Variants in TOX2 observed in about 807,000 individuals in gnomAD.
The protein encoded by TOX2 is granulosa cell HMG box 1.
In TOX2, 15 loss-of-function variants were observed where a neutral mutation model predicts 47.4. The observed-to-expected ratio is 0.32, with a 90% CI of 0.21 to 0.49. The LOEUF (loss-of-function observed/expected upper bound fraction) is 0.49, where lower values mean the gene tolerates loss of function less well. Ranked by LOEUF, TOX2 falls within the 20% of genes least tolerant of loss-of-function variation. The pLI is 0.99. For synonymous variants in TOX2, 290 were observed against 296.6 expected (o/e 0.98, Z 0.23); for missense variants, 622 against 673.1 (o/e 0.92, Z 0.84).
chr20:43,920,156 T>C (rs2069098201), intron 1 of TOX2, among the ~76,000 whole-genome samples: 2 of 152,242 alleles, frequency 1.3e-5, no homozygotes, highest in African/African-American at 4.8e-5. Flanking sequence ...AGGCAGGAAT[T>C]CTGCCCAGCA....
chr20:43,923,850 T>C (rs986615955), intron 1 of TOX2, among the ~76,000 whole-genome samples: 7 of 152,162 alleles, frequency 4.6e-5, no homozygotes, highest in Non-Finnish European at 7.4e-5. Flanking sequence ...GGAAACGTGC[T>C]TGGGCCGGGG....
intron 2 of TOX2, among the ~76,000 whole-genome samples, chr20:43,974,427 C>T (rs1056520663): frequency 6.6e-6 from 1 of 152,190 alleles, no homozygotes; most frequent in Non-Finnish European, 1.5e-5. Context: ...GGCATGGCAT[C>T]GTGGAGGATG....
chr20:44,059,185 A>T (rs1240652940), intron 5 of TOX2, among the ~76,000 whole-genome samples: 1 of 152,222 alleles, frequency 6.6e-6, no homozygotes, highest in Non-Finnish European at 1.5e-5. Flanking sequence ...AAACAATCAC[A>T]ACTTCTGGAA....
chr20:44,038,970 C>T (rs889075257), intron 3 of TOX2: 23 of 1,186,352 alleles, frequency 1.9e-5, no homozygotes, highest in Admixed American at 3.6e-5. Flanking sequence ...CTTCCTGGGG[C>T]GGGTGCAGAT....
chr20:43,960,180 C>T (rs1600684840), intron 1 of TOX2, among the ~76,000 whole-genome samples: 1 of 152,216 alleles, frequency 6.6e-6, no homozygotes, highest in Non-Finnish European at 1.5e-5. Flanking sequence ...ACATTGCATG[C>T]ATTCGTTCTA....
rs1210740656 is a variant in TOX2 at position 43,916,940 on chromosome 20, C to T, written c.99+1950C>T. Among the ~76,000 whole-genome samples the T allele has an allele frequency of 6.6e-6, 1 of 152,110 alleles. No homozygotes were observed. Among genetic ancestry groups the T allele is most frequent in the Non-Finnish European group, 1.5e-5 (1 of 68,020 alleles). ...CTCTGACTCAGCACCAGAACCTGTG[C>T]GAATCTCGCCGGGAAGGGCCCGTCA... On this transcript the variant is annotated intron_variant, in intron 1 of 8. Transcript: ENST00000341197. The surrounding 1 kb of genome is among the most constrained non-coding windows in gnomAD (Gnocchi z 5.0).
intron 1 of TOX2, chr20:43,945,923 C>T (rs1165049459): frequency 1.9e-6 from 3 of 1,613,164 alleles, no homozygotes; most frequent in Non-Finnish European, 2.5e-6. Context: ...ATGCAGCAGA[C>T]TCGCACAGAG....
At chr20:43,930,931 A>G (rs2069244332) in intron 1 of TOX2, among the ~76,000 whole-genome samples, 1 of 151,970 alleles carries the variant, frequency 6.6e-6, no homozygotes, top group African/African-American at 2.4e-5. Context: ...CCCCTTACCC[A>G]TCGCTTTCTT....
intron 1 of TOX2, among the ~76,000 whole-genome samples, chr20:43,924,140 T>C (rs2069140300): frequency 6.6e-6 from 1 of 152,054 alleles, no homozygotes; most frequent in African/African-American, 2.4e-5. Flanking sequence ...GGGATGAGCA[T>C]ATGGAAGAGG....
intron 2 of TOX2, among the ~76,000 whole-genome samples, chr20:43,990,657 A>T (rs2145545525): frequency 6.6e-6 from 1 of 152,258 alleles, no homozygotes; most frequent in African/African-American, 2.4e-5. Context: ...AGGTTGCAGG[A>T]CTTGGTCCAG....
chr20:43,963,262 C>T (rs977078734), intron 1 of TOX2, among the ~76,000 whole-genome samples: 14 of 152,204 alleles, frequency 9.2e-5, no homozygotes, highest in Non-Finnish European at 2.1e-4. Flanking sequence ...TTACACTACC[C>T]CTCGATGCCT....
In TOX2 at chr20:44,065,993, C is replaced by T. The variant is rs951078230; in HGVS notation, c.1242C>T (p.Gly414=). 6.8e-6 allele frequency: 11 copies of T among 1,612,870 alleles called. No individual in the cohort carries two copies. The highest frequency in any genetic ancestry group is 4.5e-5 in the East Asian group (2 of 44,880). The change falls in exon 7 of 9, where the codon GGC becomes GGT. Residue 414 remains glycine, a synonymous_variant. Transcript: ENST00000341197. ...QQLSLPPHAQ[G]ALLSPPVSMS... ...TGTCACTGCCCCCTCACGCCCAGGG[C>T]GCCCTCCTCAGTCCACCTGTTAGCA... is the stretch of plus-strand genomic sequence containing the variant.
At chr20:44,013,708 A>G (rs2070822313) in intron 3 of TOX2, among the ~76,000 whole-genome samples, 1 of 152,184 alleles carries the variant, frequency 6.6e-6, no homozygotes, top group Non-Finnish European at 1.5e-5. Flanking sequence ...GTGATTTCTG[A>G]GGTCCAGCTT....
chr20:43,950,186 G>A (rs1039172719), intron 1 of TOX2, among the ~76,000 whole-genome samples: 8 of 152,018 alleles, frequency 5.3e-5, no homozygotes, highest in Admixed American at 2.6e-4. Context: ...ATGCATAGAC[G>A]AGCCCACCAC....
intron 1 of TOX2, among the ~76,000 whole-genome samples, chr20:43,940,236 G>A (rs1027077666): frequency 6.6e-6 from 1 of 151,880 alleles, no homozygotes; most frequent in Non-Finnish European, 1.5e-5. Flanking sequence ...TTTTTGAAGA[G>A]TTGGTGTCCT....
At chr20:43,946,762 G>A (rs1374493488) in intron 1 of TOX2, among the ~76,000 whole-genome samples, 1 of 152,180 alleles carries the variant, frequency 6.6e-6, no homozygotes, top group Admixed American at 6.5e-5. Flanking sequence ...AACCTAACGT[G>A]AAGGGGCCAT....
intron 1 of TOX2, chr20:43,946,164 T>G: frequency 7.1e-7 from 1 of 1,410,378 alleles, no homozygotes; most frequent in South Asian, 1.3e-5. Flanking sequence ...CATTCTGGAA[T>G]GAAGATGCTT....
At chr20:43,979,762 A>G (rs530002324) in intron 2 of TOX2, among the ~76,000 whole-genome samples, 4 of 152,360 alleles carry the variant, frequency 2.6e-5, no homozygotes, top group African/African-American at 7.2e-5. Flanking sequence ...AATGGCAAAG[A>G]GGCATATGAA....
chr20:44,039,439 C>T (rs2071297558), intron 3 of TOX2, among the ~76,000 whole-genome samples: 1 of 152,152 alleles, frequency 6.6e-6, no homozygotes, highest in South Asian at 2.1e-4. Context: ...ACATTTCATG[C>T]TCCAGAAGGG....
Sources: allele counts gnomAD v4.1 joint callset (sites outside exome capture counted in the v4.1 genomes callset), GRCh38; gene constraint gnomAD v4.1.1; non-coding constraint Gnocchi (gnomAD v3.1); transcripts MANE v1.5; gene names NCBI Gene and HGNC (gene_info 2026-07-23, HGNC 2026-07-21).